Variants in HSPG2 observed in about 807,000 individuals in gnomAD.
The protein encoded by HSPG2 is heparan sulfate proteoglycan 2.
Under a neutral mutation model 526.6 loss-of-function variants are expected in HSPG2, and 278 were observed. The ratio of observed to expected loss-of-function variants is 0.53; its 90% CI spans 0.48 to 0.58. The LOEUF is 0.58. HSPG2 is among the 20% of genes least tolerant of loss of function. The pLI is 0.00. For synonymous variants in HSPG2, 2,465 were observed against 2,555.4 expected, an observed-to-expected ratio of 0.96 and a Z score of 1.07; for missense variants, 5,354 against 6,099.5, an observed-to-expected ratio of 0.88 and a Z score of 4.07.
intron 1 of HSPG2, among the ~76,000 whole-genome samples, chr1:21,927,942 C>A (rs937646322): frequency 6.6e-6 from 1 of 152,232 alleles, no homozygotes; most frequent in Non-Finnish European, 1.5e-5. Flanking sequence ...CCCTGGGAAC[C>A]CTGCCTCAGA....
chr1:21,845,987 G>T, intron 64 of HSPG2, 121 bp downstream of exon 64: 1 of 1,248,252 alleles, frequency 8.0e-7, no homozygotes, highest in Non-Finnish European at 1.2e-6. Flanking sequence ...GGTGAAGTCT[G>T]GAATCAGAGC....
At chr1:21,825,272 A>G (rs1244693411) in intron 91 of HSPG2, 4 of 181,774 alleles carry the variant, frequency 2.2e-5, no homozygotes, top group Non-Finnish European at 3.5e-5. Context: ...CCTTAAATCA[A>G]TGTATTTTAT....
chr1:21,843,226 G>A (rs1386666111), intron 66 of HSPG2, 71 bp downstream of exon 66: 25 of 1,598,530 alleles, frequency 1.6e-5, no homozygotes, highest in Non-Finnish European at 2.1e-5. Context: ...CTGGGAGAGA[G>A]GAGAGGAGCA....
At chr1:21,918,474 A>G (rs1325347184) in intron 1 of HSPG2, among the ~76,000 whole-genome samples, 3 of 152,094 alleles carry the variant, frequency 2.0e-5, no homozygotes, top group Non-Finnish European at 4.4e-5. Flanking sequence ...GAATAAAAAA[A>G]AAAAAAAGGA....
rs1055172774 is a variant in HSPG2 at position 21,875,676 on chromosome 1, G to A, written c.3255C>T (p.Asp1085=). Residue 1085 remains aspartate (D), a synonymous_variant, in exon 25 of 97, where the codon GAC becomes GAT. Transcript: ENST00000374695. The stretch of plus-strand genomic sequence containing the variant: ...CGTAGGATGCTCGGATCAGGAGGGT[G>A]TCGATGCCTGCCAGTGCCATCAGCA... The part of the protein sequence containing the change: ...EHLLMALAGI[D]TLLIRASYAQ... The A allele has an allele frequency of 1.2e-6, 2 of 1,603,692 alleles. No individual in the cohort carries two copies. Among genetic ancestry groups the A allele is most frequent in the Admixed American group, 1.7e-5 (1 of 60,010 alleles).
At chr1:21,861,113 C>T (rs1259289942) in intron 39 of HSPG2, among the ~76,000 whole-genome samples, 1 of 152,170 alleles carries the variant, frequency 6.6e-6, no homozygotes, top group East Asian at 1.9e-4. Flanking sequence ...TGTCTTATCT[C>T]CCATTAGGGC....
chr1:21,833,094 C>G, intron 80 of HSPG2, 174 bp downstream of exon 80: 1 of 681,878 alleles, frequency 1.5e-6, no homozygotes, highest in Non-Finnish European at 2.7e-6. Flanking sequence ...CCGGGAGGCA[C>G]AAGAGAAGGC....
intron 2 of HSPG2, 78 bp downstream of exon 2, chr1:21,896,097 C>T: frequency 6.2e-7 from 1 of 1,606,604 alleles, no homozygotes. Flanking sequence ...GTCGGTCACC[C>T]TCCTCCCCCA....
intron 14 of HSPG2, 63 bp downstream of exon 14, chr1:21,881,276 G>A: frequency 6.3e-6 from 10 of 1,580,362 alleles, no homozygotes; most frequent in African/African-American, 1.3e-5. Context: ...TCCACCAACT[G>A]CAGAAGGAGC....
chr1:21,849,073 A>T (rs1381580327), intron 57 of HSPG2, 42 bp from the exon 58 acceptor site: 1 of 1,603,966 alleles, frequency 6.2e-7, no homozygotes, highest in African/African-American at 1.3e-5. Flanking sequence ...AGAGCTGGGC[A>T]CTGCGGCTCA....
Position 21,887,214 on chromosome 1 carries a change from C to T in HSPG2, c.1078+1G>A, listed in dbSNP as rs376431877. 5 of 1,610,470 alleles carry T rather than the reference C, an allele frequency of 3.1e-6. No individual in the cohort carries two copies. Among genetic ancestry groups the T allele is most frequent in the Admixed American group, 1.7e-5 (1 of 59,386 alleles). ...CCTCAGCTGGACCCTCGGATACTCA[C>T]GGCAGTTGGCTTCATCAGTTCGGTC... On this transcript the variant is annotated splice_donor_variant, in intron 9 of 96. Transcript: ENST00000374695. LOFTEE classifies it high-confidence loss of function. This position sits in a 1 kb window ranked among gnomAD's most constrained non-coding sequence, Gnocchi z 5.0.
intron 77 of HSPG2, 28 bp downstream of exon 77, chr1:21,834,651 C>G (rs773340488): frequency 1.2e-6 from 2 of 1,613,280 alleles, no homozygotes; most frequent in East Asian, 2.2e-5. Flanking sequence ...CTCACTGTCC[C>G]CCAACAAAAG....
In HSPG2 at chr1:21,880,183, G is replaced by A. The variant is rs1459781447; in HGVS notation, c.2267C>T (p.Pro756Leu). The A allele has an allele frequency of 6.2e-7, 1 of 1,614,114 alleles. No individual in the cohort carries two copies. ...GCAACCAGAGCAGGTGCCCAGGTAG[G>A]GCCCACCAGGCACCCGAGTGAAGTG... ...DAHFTRVPGGPYLGTCSGCNC... is the reference protein window; with the variant it reads ...DAHFTRVPGGLYLGTCSGCNC... Residue 756 changes from proline (P) to leucine (L), a missense_variant, in exon 17 of 97, where the codon CCC (proline) becomes CTC (leucine). Physicochemically the swap from Pro to Leu is moderately conservative, Grantham distance 98. Transcript: ENST00000374695.
rs920509285 is a variant in HSPG2, at chr1:21,904,292, A to G, written c.64-7982T>C. ...GCCTGAGAGATGACTTCACCTAAGCAAAGCAGAGAAGGGGAAGAGTGCGGA... is the reference window on the plus strand; with the variant it reads ...GCCTGAGAGATGACTTCACCTAAGCGAAGCAGAGAAGGGGAAGAGTGCGGA... On this transcript the variant is annotated intron_variant, in intron 1 of 96. Coordinates refer to ENST00000374695, the MANE Select transcript of HSPG2 (RefSeq NM_005529.7). The surrounding 1 kb of genome is among the most constrained non-coding windows in gnomAD (Gnocchi z 4.4). 2.6e-5 allele frequency among the ~76,000 whole-genome samples: 4 copies of G among 152,190 alleles called. No homozygotes were observed. The highest frequency in any genetic ancestry group is 9.7e-5 in the African/African-American group (4 of 41,446).
intron 57 of HSPG2, 147 bp downstream of exon 57, chr1:21,849,894 G>A (rs1015057661): frequency 4.2e-5 from 40 of 952,232 alleles, no homozygotes; most frequent in South Asian, 3.2e-4. Context: ...TGGTCAGGCT[G>A]GTCTCAAACT....
At chr1:21,885,587 T>C (rs1385066304) in intron 9 of HSPG2, 136 bp from the exon 10 acceptor site, 1 of 982,766 alleles carries the variant, frequency 1.0e-6, no homozygotes, top group Non-Finnish European at 1.5e-6. Context: ...CACAACACTG[T>C]CCAACTCACA....
rs952847115 is a variant in HSPG2 at position 21,848,011 on chromosome 1, C to G, written c.7820G>C (p.Gly2607Ala). ...GACGATGAGCGAGGTCTCCCGGGAGCCTGCACCGTTACTGACGTGACACAC... is the reference window on the plus strand; with the variant it reads ...GACGATGAGCGAGGTCTCCCGGGAGGCTGCACCGTTACTGACGTGACACAC... The part of the protein sequence containing the change: ...EYVCHVSNGA[G>A]SRETSLIVTI... Residue 2607 changes from glycine (G) to alanine (A), a missense_variant, in exon 60 of 97, where the codon GGC becomes GCC. Physicochemically the swap from Gly to Ala is moderately conservative, Grantham distance 60. Transcript: ENST00000374695. The surrounding 1 kb of genome is among the most constrained non-coding windows in gnomAD (Gnocchi z 4.9). The G allele has an allele frequency of 6.2e-7, 1 of 1,613,538 alleles. No homozygotes were observed. Among genetic ancestry groups the G allele is most frequent in the Non-Finnish European group, 8.5e-7 (1 of 1,179,972 alleles).
chr1:21,836,673 G>T, intron 75 of HSPG2, 129 bp downstream of exon 75: 1 of 800,946 alleles, frequency 1.2e-6, no homozygotes, highest in Non-Finnish European at 2.1e-6. Flanking sequence ...CTGAGGCTCA[G>T]AGAGGTAAAG....
intron 80 of HSPG2, chr1:21,832,961 AGAG>A (rs2098010952): frequency 3.6e-6 from 2 of 555,604 alleles, no homozygotes; most frequent in Admixed American, 6.2e-5. Flanking sequence ...AGATGGAGGC[AGAG>A]GAGGGAGGAA....
Sources: allele counts gnomAD v4.1 joint callset (sites outside exome capture counted in the v4.1 genomes callset), GRCh38; gene constraint gnomAD v4.1.1; non-coding constraint Gnocchi (gnomAD v3.1); transcripts MANE v1.5; gene names NCBI Gene and HGNC (gene_info 2026-07-23, HGNC 2026-07-21).